The following CHD5 variants were observed in gnomAD, a reference collection of about 807,000 sequenced individuals.
CHD5 encodes chromodomain helicase DNA binding protein 5.
Under a neutral mutation model 230.3 loss-of-function variants are expected in CHD5, and 69 were observed. The ratio of observed to expected loss-of-function variants is 0.30; its 90% confidence interval spans 0.25 to 0.37. The LOEUF is 0.37. CHD5 is among the 10% of genes least tolerant of loss of function. The pLI is 1.00. For synonymous variants in CHD5, 1,064 were observed against 1,065.9 expected, an observed-to-expected ratio of 1.00 and a Z score of 0.03; for missense variants, 1,827 against 2,622.8, an observed-to-expected ratio of 0.70 and a Z score of 6.63.
intron 1 of CHD5, among the ~76,000 whole-genome samples, chr1:6,179,322 G>A (rs112457819): frequency 0.11 from 16,274 of 152,138 alleles, 1,242 homozygotes; most frequent in African/African-American, 0.21. Context: ...GTGCTTGGGA[G>A]CGGCGGTCAC....
rs1404913792 is a variant in CHD5, at chr1:6,136,546, G to C, written c.2667C>G (p.Leu889=). The C allele has an allele frequency of 6.2e-7, 1 of 1,614,110 alleles. No individual in the cohort carries two copies. The highest frequency in any genetic ancestry group is 8.5e-7 in the Non-Finnish European group (1 of 1,180,034). ...ACCTCTCTGGAGTCAGGAAGTTGAG[G>C]AGATGGAACAGCTCCTCCAGGTTGT... ...LQNNLEELFH[L]LNFLTPERFN... The change falls in exon 17 of 42, where the codon CTC becomes CTG. Residue 889 remains leucine (L), a synonymous_variant. Transcript: ENST00000262450.
At chr1:6,158,834 C>A (rs911454708) in intron 3 of CHD5, among the ~76,000 whole-genome samples, 1 of 150,290 alleles carries the variant, frequency 6.7e-6, no homozygotes, top group Non-Finnish European at 1.5e-5. Context: ...GGTGAAACCC[C>A]ATCTCTACTA....
rs575998139 is a variant in CHD5 at position 6,152,669 on chromosome 1, G to A, written c.746-133C>T. 2.1e-3 allele frequency: 2,986 copies of A among 1,444,286 alleles called. 54 individuals carry two copies. The South Asian group carries it at 0.029, about 14-fold the overall frequency. 89.5% of individuals were successfully genotyped at this position (1,444,286 alleles called of 1,614,324 possible). ...ACCATCACCCCGTTTCAGATGAGAT[G>A]CCTGAGGCTTGGAGAGGTAAACCCC... is the stretch of plus-strand genomic sequence containing the variant. On this transcript the variant is annotated intron_variant, in intron 5 of 41. Coordinates refer to ENST00000262450, the MANE Select transcript of CHD5 (RefSeq NM_015557.3).
chr1:6,150,371 T>A (rs1159218115), intron 7 of CHD5, among the ~76,000 whole-genome samples: 1 of 99,576 alleles, frequency 1.0e-5, no homozygotes, highest in East Asian at 2.4e-4. Context: ...GACAAAAGGA[T>A]GGATGGATGG....
At chr1:6,141,953 G>A (rs538890072) in intron 15 of CHD5, among the ~76,000 whole-genome samples, 175 bp downstream of exon 15, 3 of 152,276 alleles carry the variant, frequency 2.0e-5, no homozygotes, top group South Asian at 2.1e-4. Context: ...TTTGTTACAG[G>A]AGCCCCAGAA....
chr1:6,151,302 A>C (rs1185710830), intron 6 of CHD5, 147 bp from the exon 7 acceptor site: 7 of 946,632 alleles, frequency 7.4e-6, no homozygotes, highest in Middle Eastern at 3.6e-4. Context: ...ACACAGCTGA[A>C]AACCTCACAT....
At chr1:6,174,216 GAC>G (rs1667383577) in intron 1 of CHD5, among the ~76,000 whole-genome samples, 1 of 152,076 alleles carries the variant, frequency 6.6e-6, no homozygotes. Context: ...GACGAAAACT[GAC>G]AGATATGGGG....
intron 38 of CHD5, among the ~76,000 whole-genome samples, chr1:6,108,689 T>G (rs1571136518): frequency 7.9e-6 from 1 of 127,134 alleles, no homozygotes; most frequent in Non-Finnish European, 1.7e-5. Context: ...GATGGAGGGG[T>G]GGAAGGATGG....
rs1444606812 is a variant in CHD5, at chr1:6,106,285, T to C, written c.5860A>G (p.Ile1954Val). ...CAGGGAAGTCTCGAGGACGGCTAGA[T>C]ATCTGTCAAAAAAAGAGGAGAGCCG... Reference protein sequence around the residue: ...QMPLGPYVTDI With the variant: ...QMPLGPYVTDV The change falls in exon 41 of 42, where the codon ATC becomes GTC. Residue 1954 changes from isoleucine to valine, a missense_variant and splice_region_variant. Ile to Val is a conservative substitution (Grantham distance 29). Around this residue, in one of 14 missense-constraint regions of CHD5, gnomAD observed 208 missense variants for 302.0 expected, o/e 0.69. Coordinates refer to ENST00000262450, the MANE Select transcript of CHD5 (RefSeq NM_015557.3). The C allele has an allele frequency of 6.2e-7, 1 of 1,612,578 alleles. No homozygotes were observed. Among genetic ancestry groups the C allele is most frequent in the Non-Finnish European group, 8.5e-7 (1 of 1,179,960 alleles).
At chr1:6,111,505 G>A (rs1666287831) in intron 36 of CHD5, among the ~76,000 whole-genome samples, 1 of 150,784 alleles carries the variant, frequency 6.6e-6, no homozygotes, top group South Asian at 2.1e-4. Context: ...CTACACTCCA[G>A]CCTGGGTGAC....
At chr1:6,108,756 G>A (rs904218941) in intron 38 of CHD5, among the ~76,000 whole-genome samples, 2 of 149,966 alleles carry the variant, frequency 1.3e-5, no homozygotes, top group Admixed American at 1.3e-4. Context: ...AGGGATGGAG[G>A]GTTGGAGGCA....
At chr1:6,147,193 G>A (rs80059541) in intron 9 of CHD5, among the ~76,000 whole-genome samples, 9,193 of 152,288 alleles carry the variant, frequency 0.06, 390 homozygotes, top group Admixed American at 0.11. Flanking sequence ...AGGCCCACTC[G>A]GCAAGGGACA....
In CHD5 at chr1:6,142,621, C is replaced by T. The variant is rs369916597; in HGVS notation, c.2044-16G>A. Reference sequence around the variant, plus strand: ...TGACCGTGGGCTGCAGGGGAGGCAGCGGTTCAGACACGCCCCAGATCCTGG... The same window carrying T: ...TGACCGTGGGCTGCAGGGGAGGCAGTGGTTCAGACACGCCCCAGATCCTGG... On this transcript the variant is annotated splice_polypyrimidine_tract_variant and intron_variant, in intron 13 of 41. Transcript: ENST00000262450. This position sits in a 1 kb window ranked among gnomAD's most constrained non-coding sequence, Gnocchi z 5.2. 2.6e-5 allele frequency: 41 copies of T among 1,602,324 alleles called. No homozygotes were observed. The African/African-American group carries it at 2.8e-4, about 11-fold the overall frequency.
chr1:6,144,463 C>T (rs1666879860), intron 11 of CHD5, among the ~76,000 whole-genome samples: 1 of 152,236 alleles, frequency 6.6e-6, no homozygotes, highest in Non-Finnish European at 1.5e-5. Flanking sequence ...CCATTTGTCA[C>T]AGGGTCTGGA....
Position 6,154,403 on chromosome 1 carries a change from C to T in CHD5, c.745+257G>A, listed in dbSNP as rs1667049380. Among the ~76,000 whole-genome samples the T allele has an allele frequency of 6.6e-6, 1 of 152,208 alleles. No homozygotes were observed. Among genetic ancestry groups the T allele is most frequent in the Admixed American group, 6.5e-5 (1 of 15,288 alleles). The stretch of plus-strand genomic sequence containing the variant: ...CACCTCCTGGCTGGCCAGGCTCAAA[C>T]CTCCCAGACCTCTGCCCACATCATC... On this transcript the variant is annotated intron_variant, in intron 5 of 41. Transcript: ENST00000262450. This position sits in a 1 kb window ranked among gnomAD's most constrained non-coding sequence, Gnocchi z 7.0.
chr1:6,139,840 G>A (rs7523555), intron 15 of CHD5, among the ~76,000 whole-genome samples: 27,297 of 152,192 alleles, frequency 0.18, 2,809 homozygotes, highest in African/African-American at 0.26. Flanking sequence ...GGGTCCCAGT[G>A]TGGCTCAGGG....
rs757089378 is a variant in CHD5 at position 6,151,204 on chromosome 1, C to G, written c.871-49G>C. On this transcript the variant is annotated intron_variant, in intron 6 of 41. Coordinates refer to ENST00000262450, the MANE Select transcript of CHD5 (RefSeq NM_015557.3). Reference sequence around the variant, plus strand: ...TGATCCCAGGGCTTCACCCAGAAGGCTTCGCTGGCCCAGGCAGTGTGGGGT... The same window carrying G: ...TGATCCCAGGGCTTCACCCAGAAGGGTTCGCTGGCCCAGGCAGTGTGGGGT... The G allele has an allele frequency of 2.4e-5, 37 of 1,559,760 alleles. No individual in the cohort carries two copies. In the East Asian group the frequency reaches 8.6e-4, roughly 36 times the overall value.
At position 6,136,939 on chromosome 1, in the gene CHD5, CAAG is replaced by C. The variant is rs1486630141; in HGVS notation, c.2437-77_2437-75del. On this transcript the variant is annotated intron_variant, in intron 15 of 41. Coordinates refer to ENST00000262450, the MANE Select transcript of CHD5 (RefSeq NM_015557.3). ...ATCACAGTCCCAGGAGACAAAGAGC[CAAG>C]AAGGAGGTGTGCACAGGAACCCACA... is the stretch of plus-strand genomic sequence containing the variant. 6 of 1,483,314 alleles carry C rather than the reference CAAG, an allele frequency of 4.0e-6. No individual in the cohort carries two copies. In the African/African-American group the frequency reaches 4.2e-5, roughly 10 times the overall value. The allele number at this position is 1,483,314 out of a possible 1,614,324, so 91.9% of individuals were successfully genotyped here. A position where few individuals can be genotyped will look rare whatever the true frequency, so the allele number is the denominator to read the frequency against.
Position 6,102,838 on chromosome 1 carries a change from C to G in CHD5, c.*2636G>C, listed in dbSNP as rs921385532. On this transcript the variant is annotated 3_prime_UTR_variant, in exon 42 of 42. Transcript: ENST00000262450. ...CGGGGGACGCTGCTTCTGCCTCAGG[C>G]GTGTATGAGAGGGCCCTGCAGACGT... is the stretch of plus-strand genomic sequence containing the variant. 1.3e-5 allele frequency: 2 copies of G among 152,288 alleles called. No homozygotes were observed. The highest frequency in any genetic ancestry group is 4.8e-5 in the African/African-American group (2 of 41,452). The allele number at this position is 152,288 out of a possible 1,614,324, so 9.4% of individuals were successfully genotyped here. A position where few individuals can be genotyped will look rare whatever the true frequency, so the allele number is the denominator to read the frequency against.
Sources: allele counts gnomAD v4.1 joint callset (sites outside exome capture counted in the v4.1 genomes callset), GRCh38; gene constraint gnomAD v4.1.1; regional missense constraint gnomAD v4.1.1; non-coding constraint Gnocchi (gnomAD v3.1); transcripts MANE v1.5; gene names NCBI Gene and HGNC (gene_info 2026-07-23, HGNC 2026-07-21).